Variants in POLR3A observed in about 807,000 individuals in gnomAD.
POLR3A encodes RNA polymerase III subunit A, also known as DNA-directed RNA polymerase III subunit RPC1.
In POLR3A, 112 loss-of-function variants were observed where a neutral mutation model predicts 152.8. That is an observed-to-expected ratio of 0.73 (90% CI 0.63 to 0.86). The LOEUF is 0.86. Among genes scored for constraint, POLR3A ranks in the 40% least tolerant of loss-of-function variants. The probability of loss-of-function intolerance (pLI) is 0.00; values close to 1 mark genes in which losing one functional copy is unlikely to be tolerated. For synonymous variants in POLR3A, 615 were observed against 652.1 expected, an observed-to-expected ratio of 0.94 and a Z score of 0.87; for missense variants, 1,385 against 1,743.1, an observed-to-expected ratio of 0.79 and a Z score of 3.66.
In POLR3A at chr10:78,024,987, G is replaced by A; in HGVS notation, c.474C>T (p.His158=). Residue 158 remains histidine, a synonymous_variant, in exon 4 of 31, where the codon CAC becomes CAT. Transcript: ENST00000372371. ...DKCRKKNICH[H]CGAFNGTVKK... ...TCCACTCACCATTAAAAGCGCCACA[G>A]TGATGGCAGATGTTTTTCTTCCGGC... 1 of 1,614,148 alleles carries A rather than the reference G, an allele frequency of 6.2e-7. No individual in the cohort carries two copies. The highest frequency in any genetic ancestry group is 8.5e-7 in the Non-Finnish European group (1 of 1,180,012).
rs552213589 is a variant in POLR3A, at chr10:77,977,303, G to C, written c.*175C>G. 5.6e-6 allele frequency: 4 copies of C among 712,762 alleles called. No individual in the cohort carries two copies. The East Asian group carries it at 1.0e-4, about 18-fold the overall frequency. The allele number at this position is 712,762 out of a possible 1,614,324, so 44.2% of individuals were successfully genotyped here. ...GTGGCACAGTCAGGGTCACTGGTGT[G>C]AGCTGCACCCTATCAGAGGAGAAGC... On this transcript the variant is annotated 3_prime_UTR_variant, in exon 31 of 31. Coordinates refer to ENST00000372371, the MANE Select transcript of POLR3A (RefSeq NM_007055.4).
At chr10:77,986,022 G>A (rs1257964062) in intron 22 of POLR3A, 37 bp from the exon 23 acceptor site, 2 of 1,604,080 alleles carry the variant, frequency 1.2e-6, no homozygotes, top group Non-Finnish European at 1.7e-6. Context: ...GTTAGGGCCA[G>A]CGGCAACTAC....
At chr10:78,006,412 A>G (rs1310107750) in intron 15 of POLR3A, among the ~76,000 whole-genome samples, 131 of 150,616 alleles carry the variant, frequency 8.7e-4, no homozygotes, top group African/African-American at 3.1e-3. Context: ...AAAAAAAAAA[A>G]AAAAAAAAAG....
Position 78,017,725 on chromosome 10 carries a change from G to A in POLR3A, c.1290-9C>T, listed in dbSNP as rs1267298400. 6.2e-7 allele frequency: 1 copy of A among 1,613,942 alleles called. No individual in the cohort carries two copies. The highest frequency in any genetic ancestry group is 8.5e-7 in the Non-Finnish European group (1 of 1,179,970). Reference sequence around the variant, plus strand: ...TTCCGTATTTCAAAAACCTGAATGTGCAACAATAAACATGATCTGTGAAAG... The same window carrying A: ...TTCCGTATTTCAAAAACCTGAATGTACAACAATAAACATGATCTGTGAAAG... On this transcript the variant is annotated splice_polypyrimidine_tract_variant and intron_variant, in intron 9 of 30. Transcript: ENST00000372371.
chr10:77,977,456 C>A lies in POLR3A; in HGVS notation c.*22G>T. On this transcript the variant is annotated 3_prime_UTR_variant, in exon 31 of 31. Transcript: ENST00000372371. ...GACAGGACAAGGAGTCAAGGTCAGG[C>A]ATGGTCCCCTCTTTCTTTGGACTAT... is the stretch of plus-strand genomic sequence containing the variant. 1 of 1,613,184 alleles carries A rather than the reference C, an allele frequency of 6.2e-7. No homozygotes were observed.
intron 16 of POLR3A, among the ~76,000 whole-genome samples, chr10:78,004,501 GAAAC>G (rs1385397261): frequency 1.3e-5 from 2 of 152,126 alleles, no homozygotes; most frequent in African/African-American, 4.8e-5. Flanking sequence ...CTACCCTCAG[GAAAC>G]AAACAAGGAC....
chr10:77,989,875 A>G (rs992452742), intron 21 of POLR3A, among the ~76,000 whole-genome samples: 2 of 152,190 alleles, frequency 1.3e-5, no homozygotes, highest in African/African-American at 4.8e-5. Flanking sequence ...AAGCCTTTGG[A>G]GGAGAAAAAC....
At chr10:77,997,290 T>C (rs1010337699) in intron 19 of POLR3A, among the ~76,000 whole-genome samples, 9 of 152,024 alleles carry the variant, frequency 5.9e-5, no homozygotes, top group Non-Finnish European at 1.3e-4. Context: ...CTATTCAACA[T>C]AGTGTTGGAA....
chr10:78,024,897 G>A, intron 4 of POLR3A, 74 bp downstream of exon 4: 1 of 1,567,614 alleles, frequency 6.4e-7, no homozygotes, highest in Non-Finnish European at 8.8e-7. Flanking sequence ...CGAACATTAT[G>A]TAAACCTAAT....
In POLR3A at chr10:77,981,544, CCA is replaced by C; in HGVS notation, c.3773_3774del (p.Leu1258ArgfsTer12). ...ATCGTTGTCCGGGCGGCCTCGATGCCCAGAGTTTTCTCCACCTACAGAGAGCC... is the reference window on the plus strand; with the variant it reads ...ATCGTTGTCCGGGCGGCCTCGATGCCGAGTTTTCTCCACCTACAGAGAGCC... ...SNNTYEVEKT[L>X]GIEAARTTII... is the part of the protein sequence containing the mutation. On this transcript the variant is annotated frameshift_variant, in exon 29 of 31. Transcript: ENST00000372371. LOFTEE classifies it high-confidence loss of function. 1.9e-6 allele frequency: 3 copies of C among 1,614,010 alleles called. No individual in the cohort carries two copies. The highest frequency in any genetic ancestry group is 2.5e-6 in the Non-Finnish European group (3 of 1,179,960).
Position 77,977,192 on chromosome 10 carries a change from A to C in POLR3A, c.*286T>G. On this transcript the variant is annotated 3_prime_UTR_variant, in exon 31 of 31. Coordinates refer to ENST00000372371, the MANE Select transcript of POLR3A (RefSeq NM_007055.4). ...ACCTGGCTGGGCTTTAAGTCCAGGG[A>C]AGCAGTGTGTGCACGAGCTGTGGGG... 2.4e-6 allele frequency: 1 copy of C among 415,716 alleles called. No homozygotes were observed. Among genetic ancestry groups the C allele is most frequent in the East Asian group, 5.3e-5 (1 of 18,694 alleles). The allele number at this position is 415,716 out of a possible 1,614,324, so 25.8% of individuals were successfully genotyped here. A position where few individuals can be genotyped will look rare whatever the true frequency, so the allele number is the denominator to read the frequency against.
intron 16 of POLR3A, among the ~76,000 whole-genome samples, chr10:78,004,233 G>A (rs1018775862): frequency 6.6e-6 from 1 of 151,856 alleles, no homozygotes; most frequent in Non-Finnish European, 1.5e-5. Context: ...ATAAAACTAT[G>A]AAAAGCGAGA....
chr10:77,992,896 T>C (rs566930503), intron 20 of POLR3A, among the ~76,000 whole-genome samples: 2 of 151,764 alleles, frequency 1.3e-5, no homozygotes, highest in African/African-American at 4.8e-5. Flanking sequence ...TTCTTTTTTT[T>C]ATAGAGACGG....
intron 20 of POLR3A, among the ~76,000 whole-genome samples, chr10:77,991,601 C>T (rs1847248755): frequency 6.6e-6 from 1 of 152,174 alleles, no homozygotes; most frequent in Non-Finnish European, 1.5e-5. Flanking sequence ...CGGCTCACTG[C>T]AACCTCTGCC....
rs1847449805 is a variant in POLR3A at position 78,009,912 on chromosome 10, G to C, written c.1722C>G (p.Gly574=). 6.2e-7 allele frequency: 1 copy of C among 1,614,026 alleles called. No individual in the cohort carries two copies. Among genetic ancestry groups the C allele is most frequent in the Non-Finnish European group, 8.5e-7 (1 of 1,180,034 alleles). Reference sequence around the variant, plus strand: ...GGCGAACTTTAATTTTCTCATCCTTGCCAACCAGTATTGAAGCAATGATTT... The same window carrying C: ...GGCGAACTTTAATTTTCTCATCCTTCCCAACCAGTATTGAAGCAATGATTT... The part of the protein sequence containing the change: ...ACQIIASILV[G]KDEKIKVRLP... The change falls in exon 13 of 31, where the codon GGC becomes GGG. Residue 574 remains glycine, a synonymous_variant. Coordinates refer to ENST00000372371, the MANE Select transcript of POLR3A (RefSeq NM_007055.4).
Position 77,985,949 on chromosome 10 carries a change from TG to T in POLR3A, c.3024del (p.Thr1009ProfsTer3). ...RVLYQLDRIT[P>X]TQVEKFLETC... ...GTCTCCAGAAACTTTTCTACTTGGG[TG>T]GGGGTGATGCGGTCCAGCTGGTACA... On this transcript the variant is annotated frameshift_variant, in exon 23 of 31. Coordinates refer to ENST00000372371, the MANE Select transcript of POLR3A (RefSeq NM_007055.4). LOFTEE classifies it high-confidence loss of function. 6.2e-7 allele frequency: 1 copy of T among 1,614,074 alleles called. No homozygotes were observed. Among genetic ancestry groups the T allele is most frequent in the South Asian group, 1.1e-5 (1 of 91,078 alleles).
intron 1 of POLR3A, among the ~76,000 whole-genome samples, chr10:78,027,216 G>C (rs1272502988): frequency 6.6e-6 from 1 of 152,184 alleles, no homozygotes; most frequent in East Asian, 1.9e-4. Context: ...CCAGGGTCCT[G>C]GGACTGGCAC....
chr10:78,008,001 C>G, intron 14 of POLR3A, 135 bp from the exon 15 acceptor site: 3 of 105,638 alleles, frequency 2.8e-5, no homozygotes, highest in Non-Finnish European at 5.2e-5. Flanking sequence ...CTCCTCAAAG[C>G]TTTTTTTTGG....
intron 10 of POLR3A, among the ~76,000 whole-genome samples, chr10:78,016,323 C>T (rs962932499): frequency 1.3e-5 from 2 of 151,176 alleles, no homozygotes; most frequent in African/African-American, 2.4e-5. Context: ...AATCCCAGCA[C>T]TCTGGGAGGC....
Sources: allele counts gnomAD v4.1 joint callset (sites outside exome capture counted in the v4.1 genomes callset), GRCh38; gene constraint gnomAD v4.1.1; transcripts MANE v1.5; gene names NCBI Gene and HGNC (gene_info 2026-07-23, HGNC 2026-07-21).